Variants in DAAM2 observed in about 807,000 individuals in gnomAD.
DAAM2 encodes dishevelled associated activator of morphogenesis 2, also known as disheveled-associated activator of morphogenesis 2.
In DAAM2, 39 loss-of-function variants were observed where a neutral mutation model predicts 120.7. The ratio of observed to expected loss-of-function variants is 0.32; its 90% CI spans 0.25 to 0.42. The LOEUF (loss-of-function observed/expected upper bound fraction) is 0.42, where lower values mean the gene tolerates loss of function less well. Ranked by LOEUF, DAAM2 falls within the 10% of genes least tolerant of loss-of-function variation. The pLI, the probability that DAAM2 is intolerant of heterozygous loss-of-function variation, is 1.00. For synonymous variants in DAAM2, 488 were observed against 524.9 expected (o/e 0.93, Z 0.96); for missense variants, 1,283 against 1,401.7 (o/e 0.92, Z 1.35).
chr6:39,842,488 C>G (rs1763382656), intron 1 of DAAM2, among the ~76,000 whole-genome samples: 1 of 152,002 alleles, frequency 6.6e-6, no homozygotes, highest in African/African-American at 2.4e-5. Flanking sequence ...AAAAAATTTG[C>G]CGGGCGTGGT....
rs550878469 is a variant in DAAM2 at position 39,873,032 on chromosome 6, A to G, written c.1045-206A>G. 9.2e-5 allele frequency among the ~76,000 whole-genome samples: 14 copies of G among 152,288 alleles called. No homozygotes were observed. In the East Asian group the frequency reaches 1.2e-3, roughly 13 times the overall value. On this transcript the variant is annotated intron_variant, in intron 9 of 24. Transcript: ENST00000274867. ...AGTAATTATCTGACCCAAGATGCCA[A>G]TAGTGCTGAGACTGAGAAACTCTAG...
At chr6:39,872,951 G>A (rs985913277) in intron 9 of DAAM2, among the ~76,000 whole-genome samples, 1 of 152,194 alleles carries the variant, frequency 6.6e-6, no homozygotes, top group Admixed American at 6.5e-5. Flanking sequence ...CATCTGCTAA[G>A]GAGAGGCTGG....
chr6:39,848,055 T>C (rs915197634), intron 1 of DAAM2, among the ~76,000 whole-genome samples: 5 of 152,144 alleles, frequency 3.3e-5, no homozygotes, highest in Admixed American at 3.3e-4. Context: ...AGGTTCTCAC[T>C]CTGGCATGCC....
chr6:39,859,837 A>T (rs1764142288), intron 2 of DAAM2, among the ~76,000 whole-genome samples: 4 of 152,212 alleles, frequency 2.6e-5, no homozygotes, highest in Admixed American at 2.6e-4. Context: ...GAGAGAATAA[A>T]GTCTTAATAT....
chr6:39,841,445 T>C (rs986695773), intron 1 of DAAM2, among the ~76,000 whole-genome samples: 9 of 151,824 alleles, frequency 5.9e-5, no homozygotes, highest in Non-Finnish European at 1.3e-4. Flanking sequence ...GGCCTCTACA[T>C]GGAGGGATTC....
At position 39,856,482 on chromosome 6, in the gene DAAM2, G is replaced by A; in HGVS notation, c.168+12G>A. 7.0e-7 allele frequency: 1 copy of A among 1,430,562 alleles called. No individual in the cohort carries two copies. Among genetic ancestry groups the A allele is most frequent in the Non-Finnish European group, 9.2e-7 (1 of 1,085,254 alleles). The allele number at this position is 1,430,562 out of a possible 1,614,324, so 88.6% of individuals were successfully genotyped here. A position where few individuals can be genotyped will look rare whatever the true frequency, so the allele number is the denominator to read the frequency against. On this transcript the variant is annotated intron_variant, in intron 2 of 24. Transcript: ENST00000274867. ...TTGCAGAGCTGGTGGTCAGTGAGAG[G>A]GTGGGGAGAGACAGTGACAATGGGG...
chr6:39,823,946 C>G (rs1241297147), intron 1 of DAAM2, among the ~76,000 whole-genome samples: 1 of 152,120 alleles, frequency 6.6e-6, no homozygotes, highest in Admixed American at 6.5e-5. Context: ...GAATGATGCT[C>G]CATTGTATCT....
intron 1 of DAAM2, among the ~76,000 whole-genome samples, chr6:39,841,355 G>C (rs946295453): frequency 6.8e-6 from 1 of 147,064 alleles, no homozygotes; most frequent in South Asian, 2.2e-4. Flanking sequence ...AGAGGCTCCA[G>C]GGGGAGGGAG....
chr6:39,839,491 T>A, intron 1 of DAAM2, among the ~76,000 whole-genome samples: 1 of 152,206 alleles, frequency 6.6e-6, no homozygotes, highest in East Asian at 1.9e-4. Flanking sequence ...CAGGATATTG[T>A]TTAAGCAGGT....
chr6:39,859,278 T>C (rs1764122167), intron 2 of DAAM2, among the ~76,000 whole-genome samples: 1 of 152,184 alleles, frequency 6.6e-6, no homozygotes, highest in Non-Finnish European at 1.5e-5. Flanking sequence ...GCACAGAAGT[T>C]GAAGAGGTGC....
At chr6:39,898,805 C>T in intron 21 of DAAM2, 72 bp from the exon 22 acceptor site, 2 of 1,361,404 alleles carry the variant, frequency 1.5e-6, no homozygotes, top group East Asian at 2.4e-5. Context: ...CTGCCCTCTC[C>T]CTGAACCAGC....
chr6:39,902,036 G>A lies in DAAM2; in HGVS notation c.3206G>A (p.Ter1069=). The part of the protein sequence containing the change: ...RERAINRLNY[*] ...CGGGCAATAAACCGGCTAAATTATT[G>A]ACCTGGGGAACTAGCCACACAGGAG... The change falls in exon 25 of 25, where the codon TGA becomes TAA. Residue 1069 remains the stop codon, a stop_retained_variant. Transcript: ENST00000274867. 1 of 1,600,212 alleles carries A rather than the reference G, an allele frequency of 6.2e-7. No individual in the cohort carries two copies. Among genetic ancestry groups the A allele is most frequent in the South Asian group, 1.1e-5 (1 of 89,500 alleles).
intron 9 of DAAM2, among the ~76,000 whole-genome samples, chr6:39,872,995 G>A (rs1764722390): frequency 6.6e-6 from 1 of 152,198 alleles, no homozygotes; most frequent in Non-Finnish European, 1.5e-5. Flanking sequence ...GCACAGGGCA[G>A]CCCCCACAAT....
chr6:39,801,503 AG>A (rs747971572), intron 1 of DAAM2, among the ~76,000 whole-genome samples: 6 of 152,128 alleles, frequency 3.9e-5, no homozygotes, highest in Non-Finnish European at 8.8e-5. Context: ...TGCAGTATGA[AG>A]GGGGTGGTCC....
intron 1 of DAAM2, among the ~76,000 whole-genome samples, chr6:39,833,357 T>C (rs1024530836): frequency 6.6e-6 from 1 of 152,184 alleles, no homozygotes; most frequent in Admixed American, 6.5e-5. Flanking sequence ...CAGGCTGGAA[T>C]GCAGTGGTGT....
At position 39,864,382 on chromosome 6, in the gene DAAM2, C is replaced by T. The variant is rs973194452; in HGVS notation, c.259-51C>T. ...ACGGAATGAAGCTCAGGATCTCAGG[C>T]CACGGGCCTGTCTTGCCTGTTGGTC... is the stretch of plus-strand genomic sequence containing the variant. On this transcript the variant is annotated intron_variant, in intron 3 of 24. Coordinates refer to ENST00000274867, the MANE Select transcript of DAAM2 (RefSeq NM_001201427.2). 127 of 1,439,150 alleles carry T rather than the reference C, an allele frequency of 8.8e-5. 3 individuals carry two copies. In the South Asian group the frequency reaches 1.2e-3, roughly 14 times the overall value. The allele number at this position is 1,439,150 out of a possible 1,614,324, so 89.1% of individuals were successfully genotyped here. A position where few individuals can be genotyped will look rare whatever the true frequency, so the allele number is the denominator to read the frequency against.
intron 1 of DAAM2, among the ~76,000 whole-genome samples, chr6:39,852,799 C>T (rs1763856040): frequency 6.6e-6 from 1 of 152,194 alleles, no homozygotes; most frequent in Admixed American, 6.5e-5. Flanking sequence ...ACTTCAAAGC[C>T]TCTGCTCCCT....
chr6:39,850,570 TTGAA>T, intron 1 of DAAM2, among the ~76,000 whole-genome samples: 1 of 152,290 alleles, frequency 6.6e-6, no homozygotes, highest in South Asian at 2.1e-4. Flanking sequence ...GCACATTTGT[TTGAA>T]TGAGACACTA....
chr6:39,847,322 T>G (rs1254037471), intron 1 of DAAM2, among the ~76,000 whole-genome samples: 3 of 152,024 alleles, frequency 2.0e-5, no homozygotes. Flanking sequence ...GTTGCTCTGG[T>G]GGGAGAGCTG....
Sources: gnomAD v4.1 joint callset for allele counts (sites outside exome capture counted in the v4.1 genomes callset) on GRCh38, gnomAD v4.1.1 for gene constraint, MANE v1.5 for transcripts, NCBI Gene and HGNC (gene_info 2026-07-23, HGNC 2026-07-21) for gene names.